PSMC2: variants seen among roughly 807,000 people sequenced by gnomAD.
The protein encoded by PSMC2 is 26S proteasome regulatory subunit 7.
In PSMC2, 7 loss-of-function variants were observed where a neutral mutation model predicts 53.3. The ratio of observed to expected loss-of-function variants is 0.13; its 90% CI spans 0.07 to 0.25. The LOEUF (loss-of-function observed/expected upper bound fraction) is 0.25, where lower values mean the gene tolerates loss of function less well. Ranked by LOEUF, PSMC2 falls within the 10% of genes least tolerant of loss-of-function variation. The pLI, the probability that PSMC2 is intolerant of heterozygous loss-of-function variation, is 1.00. For synonymous variants in PSMC2, 169 were observed against 183.9 expected, an observed-to-expected ratio of 0.92 and a Z score of 0.66; for missense variants, 241 against 544.0, an observed-to-expected ratio of 0.44 and a Z score of 5.54.
At chr7:103,349,266 T>C (rs1388305241) in intron 1 of PSMC2, among the ~76,000 whole-genome samples, 1 of 152,176 alleles carries the variant, frequency 6.6e-6, no homozygotes, top group African/African-American at 2.4e-5. Flanking sequence ...TTTAGGACAC[T>C]GAAAATGTCA....
At chr7:103,357,134 T>A (rs1820080627) in intron 4 of PSMC2, among the ~76,000 whole-genome samples, 1 of 152,094 alleles carries the variant, frequency 6.6e-6, no homozygotes, top group Non-Finnish European at 1.5e-5. Flanking sequence ...AAGACCAGCC[T>A]GGTCAACATA....
At chr7:103,365,766 A>AAAAAT (rs912915941) in intron 8 of PSMC2, among the ~76,000 whole-genome samples, 1 of 152,100 alleles carries the variant, frequency 6.6e-6, no homozygotes, top group Non-Finnish European at 1.5e-5. Flanking sequence ...CGTCTCTACT[A>AAAAAT]AAAATACAAA....
At chr7:103,363,073 C>T (rs925860241) in intron 6 of PSMC2, among the ~76,000 whole-genome samples, 4 of 152,130 alleles carry the variant, frequency 2.6e-5, no homozygotes, top group Admixed American at 2.6e-4. Context: ...GGATTCCAGG[C>T]GTGAGCCACT....
At chr7:103,348,784 C>A in intron 1 of PSMC2, 1 of 921,484 alleles carries the variant, frequency 1.1e-6, no homozygotes, top group Non-Finnish European at 1.8e-6. Context: ...GATCTTCCTT[C>A]AAAGGATTAT....
intron 7 of PSMC2, 93 bp downstream of exon 7, chr7:103,363,532 A>G: frequency 8.8e-7 from 1 of 1,131,160 alleles, no homozygotes; most frequent in Non-Finnish European, 1.3e-6. Context: ...GATGGCTTTT[A>G]ATATTTTCCC....
At chr7:103,347,548 C>CCAAA (rs1285218520), upstream of PSMC2, 1 of 697,058 alleles carries the variant, frequency 1.4e-6, no homozygotes, top group East Asian at 2.8e-5. Flanking sequence ...AACCAGCGTG[C>CCAAA]CAAAGCGTTT....
chr7:103,366,961 T>C (rs1326622800), intron 9 of PSMC2, among the ~76,000 whole-genome samples: 3 of 152,154 alleles, frequency 2.0e-5, no homozygotes, highest in South Asian at 2.1e-4. Context: ...CCTACCACCA[T>C]GCCTGGCTAA....
chr7:103,358,612 G>T (rs1820178494), intron 4 of PSMC2, among the ~76,000 whole-genome samples: 1 of 151,280 alleles, frequency 6.6e-6, no homozygotes, highest in Admixed American at 6.6e-5. Context: ...AATTTCTCAG[G>T]TAAAAAAACT....
At chr7:103,358,023 A>C (rs1031889814) in intron 4 of PSMC2, among the ~76,000 whole-genome samples, 1 of 151,998 alleles carries the variant, frequency 6.6e-6, no homozygotes, top group African/African-American at 2.4e-5. Flanking sequence ...TACCCTGGAG[A>C]TTGCCCTTTA....
At chr7:103,366,678 T>G (rs1303195653) in intron 9 of PSMC2, among the ~76,000 whole-genome samples, 1 of 152,230 alleles carries the variant, frequency 6.6e-6, no homozygotes, top group Non-Finnish European at 1.5e-5. Flanking sequence ...TTGAGAAGTA[T>G]CATCTAATGT....
intron 1 of PSMC2, among the ~76,000 whole-genome samples, chr7:103,350,740 C>A (rs1819710959): frequency 6.6e-6 from 1 of 152,006 alleles, no homozygotes; most frequent in Admixed American, 6.6e-5. Context: ...TCAAGTGATC[C>A]TCCCACCTTG....
At chr7:103,359,172 A>ATTTTTTTTTTTTTTTTTTTT (rs1586155184) in intron 4 of PSMC2, among the ~76,000 whole-genome samples, 3 of 58,386 alleles carry the variant, frequency 5.1e-5, no homozygotes, top group Non-Finnish European at 9.6e-5. Flanking sequence ...TTTTTTTTTA[A>ATTTTTTTTTTTTTTTTTTTT]TTTTTAGTAG....
intron 4 of PSMC2, 152 bp from the exon 5 acceptor site, chr7:103,361,805 G>A: frequency 1.5e-6 from 1 of 657,680 alleles, no homozygotes; most frequent in Non-Finnish European, 2.3e-6. Flanking sequence ...GACCTTTGGA[G>A]TTGGGTATAG....
At chr7:103,362,150 T>C (rs1820448492) in intron 5 of PSMC2, 62 bp downstream of exon 5, 34 of 1,600,722 alleles carry the variant, frequency 2.1e-5, no homozygotes, top group Non-Finnish European at 4.3e-6. Context: ...CACATTCATA[T>C]CCTTGGCTTT....
chr7:103,350,649 A>G (rs944042851), intron 1 of PSMC2, among the ~76,000 whole-genome samples: 3 of 151,702 alleles, frequency 2.0e-5, no homozygotes, highest in Admixed American at 2.0e-4. Flanking sequence ...CCACCATGCC[A>G]TGCTCATTTA....
At position 103,367,200 on chromosome 7, in the gene PSMC2, A is replaced by G. The variant is rs1222895038; in HGVS notation, c.845-213A>G. On this transcript the variant is annotated intron_variant, in intron 9 of 11. Transcript: ENST00000292644. The surrounding 1 kb of genome is among the most constrained non-coding windows in gnomAD (Gnocchi z 6.1). The stretch of plus-strand genomic sequence containing the variant: ...CCCCATAGGCAGTTTAAAAAACGTT[A>G]AGTAAATCTGTGATGAATACTTTTG... Among the ~76,000 whole-genome samples, 3 of 152,154 alleles carry G rather than the reference A, an allele frequency of 2.0e-5. No homozygotes were observed. The highest frequency in any genetic ancestry group is 7.2e-5 in the African/African-American group (3 of 41,406).
chr7:103,364,635 TG>T (rs1017475844), intron 8 of PSMC2, among the ~76,000 whole-genome samples: 35 of 152,268 alleles, frequency 2.3e-4, no homozygotes, highest in African/African-American at 7.9e-4. Flanking sequence ...CTCAAACTCC[TG>T]GGCTCAAGTG....
intron 1 of PSMC2, among the ~76,000 whole-genome samples, chr7:103,351,278 A>G (rs2116119584): frequency 6.6e-6 from 1 of 152,326 alleles, no homozygotes. Flanking sequence ...TAGTGAAAGG[A>G]TACAAAGCAA....
intron 4 of PSMC2, among the ~76,000 whole-genome samples, chr7:103,361,437 G>C (rs1820398726): frequency 6.9e-6 from 1 of 144,102 alleles, no homozygotes; most frequent in Admixed American, 7.3e-5. Flanking sequence ...ATGAACCCAA[G>C]AGGTGGAGGT....
Sources: gnomAD v4.1 joint callset for allele counts (sites outside exome capture counted in the v4.1 genomes callset) on GRCh38, gnomAD v4.1.1 for gene constraint, Gnocchi (gnomAD v3.1) non-coding constraint, MANE v1.5 for transcripts, NCBI Gene and HGNC (gene_info 2026-07-23, HGNC 2026-07-21) for gene names.